PTPRG: variants seen among roughly 807,000 people sequenced by gnomAD.
PTPRG encodes protein tyrosine phosphatase receptor type G.
In PTPRG, 102 loss-of-function variants were observed where a neutral mutation model predicts 165.3. That is an observed-to-expected ratio of 0.62 (90% CI 0.53 to 0.73). PTPRG has a LOEUF of 0.73. Ranked by LOEUF, PTPRG falls within the 30% of genes least tolerant of loss-of-function variation. The pLI is 0.00. For synonymous variants in PTPRG, 675 were observed against 669.5 expected (o/e 1.01, Z -0.13); for missense variants, 1,866 against 1,861.4 (o/e 1.00, Z -0.05).
intron 2 of PTPRG, among the ~76,000 whole-genome samples, chr3:61,964,624 CA>C (rs1438104970): frequency 6.6e-6 from 1 of 152,136 alleles, no homozygotes; most frequent in Non-Finnish European, 1.5e-5. Context: ...CCTATAAAGC[CA>C]ATAATTCTCC....
intron 2 of PTPRG, among the ~76,000 whole-genome samples, chr3:61,785,425 T>G (rs575030493): frequency 6.6e-6 from 1 of 152,288 alleles, no homozygotes; most frequent in Admixed American, 6.5e-5. Flanking sequence ...TGAATTGACT[T>G]TAGCAAAAAT....
intron 6 of PTPRG, among the ~76,000 whole-genome samples, chr3:62,134,620 C>G (rs186762209): frequency 8.5e-5 from 13 of 152,344 alleles, no homozygotes; most frequent in African/African-American, 3.1e-4. Flanking sequence ...TCCCATCACT[C>G]TCTGTTACAC....
intron 1 of PTPRG, among the ~76,000 whole-genome samples, chr3:61,623,649 GAA>G (rs1406392866): frequency 2.0e-5 from 3 of 152,178 alleles, no homozygotes; most frequent in Non-Finnish European, 4.4e-5. Flanking sequence ...AATTGGGAAA[GAA>G]AATCTCTTTC....
At chr3:61,619,568 A>G (rs972352043) in intron 1 of PTPRG, among the ~76,000 whole-genome samples, 4 of 152,230 alleles carry the variant, frequency 2.6e-5, no homozygotes, top group African/African-American at 9.6e-5. Flanking sequence ...GAGAAACCCA[A>G]CACTGAACAA....
At chr3:61,956,969 A>G (rs1335583835) in intron 2 of PTPRG, among the ~76,000 whole-genome samples, 1 of 152,266 alleles carries the variant, frequency 6.6e-6, no homozygotes, top group African/African-American at 2.4e-5. Context: ...TTTAGGGTAC[A>G]TAGGAAATTA....
Position 62,210,690 on chromosome 3 carries a change from C to CA in PTPRG, c.2155+6742dup, listed in dbSNP as rs1173239331. 6.6e-6 allele frequency among the ~76,000 whole-genome samples: 1 copy of CA among 152,156 alleles called. No individual in the cohort carries two copies. Among genetic ancestry groups the CA allele is most frequent in the Non-Finnish European group, 1.5e-5 (1 of 68,030 alleles). ...CAACCCCTTTTCATTCTCCCCTCAT[C>CA]AACCTACTGAAAGATGATGAGAATG... On this transcript the variant is annotated intron_variant, in intron 12 of 29. Coordinates refer to ENST00000474889, the MANE Select transcript of PTPRG (RefSeq NM_002841.4). The surrounding 1 kb of genome is among the most constrained non-coding windows in gnomAD (Gnocchi z 4.1).
At chr3:62,093,724 G>T (rs1702019561) in intron 5 of PTPRG, among the ~76,000 whole-genome samples, 1 of 152,206 alleles carries the variant, frequency 6.6e-6, no homozygotes, top group Admixed American at 6.5e-5. Context: ...GAGGCTGGAA[G>T]TAAGATCATC....
At chr3:61,983,908 G>A (rs943580168) in intron 2 of PTPRG, among the ~76,000 whole-genome samples, 1 of 152,112 alleles carries the variant, frequency 6.6e-6, no homozygotes, top group Non-Finnish European at 1.5e-5. Flanking sequence ...TATGATATTT[G>A]TTTGAATAGA....
chr3:61,563,999 A>ACACT (rs1699841160), intron 1 of PTPRG, among the ~76,000 whole-genome samples: 1 of 151,566 alleles, frequency 6.6e-6, no homozygotes, highest in African/African-American at 2.4e-5. Context: ...ACGTGCGTCC[A>ACACT]CACTCACCCT....
At chr3:61,833,257 C>T (rs555615601) in intron 2 of PTPRG, among the ~76,000 whole-genome samples, 5 of 152,144 alleles carry the variant, frequency 3.3e-5, no homozygotes, top group African/African-American at 7.2e-5. Context: ...TACTATAGGA[C>T]TTTCACTATA....
intron 8 of PTPRG, among the ~76,000 whole-genome samples, chr3:62,178,136 AGGATGGATGGATGGATGGATGGATGGAT>A (rs66547961): frequency 7.1e-6 from 1 of 141,536 alleles, no homozygotes; most frequent in Non-Finnish European, 1.5e-5. Flanking sequence ...AATGGATGGG[AGGATGGATGGATGGATGGATGGATGGAT>A]GGATGGATGG....
At chr3:62,133,162 A>G (rs752981806) in intron 6 of PTPRG, among the ~76,000 whole-genome samples, 1 of 152,232 alleles carries the variant, frequency 6.6e-6, no homozygotes, top group African/African-American at 2.4e-5. Flanking sequence ...ATCCTCAGGC[A>G]TAAAACCGGG....
At chr3:62,157,512 T>C (rs1225205617) in intron 7 of PTPRG, among the ~76,000 whole-genome samples, 1 of 152,236 alleles carries the variant, frequency 6.6e-6, no homozygotes, top group Non-Finnish European at 1.5e-5. Context: ...CTATCCTCAA[T>C]GATGATGACC....
At chr3:62,277,526 A>AT (rs751465619) in intron 25 of PTPRG, 25 bp from the exon 26 acceptor site, 55 of 1,603,612 alleles carry the variant, frequency 3.4e-5, no homozygotes, top group East Asian at 2.9e-4. Flanking sequence ...ATATTCACTG[A>AT]TTTTTTTTGT....
Position 62,115,867 on chromosome 3 carries a change from A to T in PTPRG, c.616-16735A>T, listed in dbSNP as rs78164795. Among the ~76,000 whole-genome samples the T allele has an allele frequency of 3.8e-3, 572 of 152,318 alleles. 4 individuals are homozygous for T. Among genetic ancestry groups the T allele is most frequent in the African/African-American group, 0.013 (552 of 41,572 alleles). On this transcript the variant is annotated intron_variant, in intron 5 of 29. Transcript: ENST00000474889. The stretch of plus-strand genomic sequence containing the variant: ...GCACATTCTTACAGTGGGAAAGAAT[A>T]TCATTACAAGGGTTGCTCAAAAAAT...
chr3:61,647,510 G>C (rs1575561490), intron 1 of PTPRG, among the ~76,000 whole-genome samples: 1 of 152,152 alleles, frequency 6.6e-6, no homozygotes, highest in Non-Finnish European at 1.5e-5. Context: ...TTATCAATTG[G>C]CCGGGCACAG....
At chr3:62,051,784 G>A (rs1049956034) in intron 4 of PTPRG, among the ~76,000 whole-genome samples, 1 of 152,150 alleles carries the variant, frequency 6.6e-6, no homozygotes, top group African/African-American at 2.4e-5. Context: ...TGCAGCCGGC[G>A]CCCTCATGTG....
chr3:62,066,097 G>C (rs1371052144), intron 4 of PTPRG, among the ~76,000 whole-genome samples: 1 of 151,858 alleles, frequency 6.6e-6, no homozygotes, highest in African/African-American at 2.4e-5. Flanking sequence ...GAGGTCTCTG[G>C]CTGGGAGAAG....
At chr3:62,088,966 T>C (rs747158035) in intron 5 of PTPRG, among the ~76,000 whole-genome samples, 2 of 152,248 alleles carry the variant, frequency 1.3e-5, no homozygotes, top group East Asian at 3.8e-4. Flanking sequence ...TAACCATCTT[T>C]AACTGTATGC....
Sources: allele counts gnomAD v4.1 joint callset (sites outside exome capture counted in the v4.1 genomes callset), GRCh38; gene constraint gnomAD v4.1.1; non-coding constraint Gnocchi (gnomAD v3.1); transcripts MANE v1.5; gene names NCBI Gene and HGNC (gene_info 2026-07-23, HGNC 2026-07-21).